ADCY7: variants seen among roughly 807,000 people sequenced by gnomAD.
ADCY7 encodes adenylate cyclase 7.
ADCY7 carries 72 observed loss-of-function variants against 120.6 expected under a neutral mutation model. The observed-to-expected ratio is 0.60, with a 90% CI of 0.49 to 0.73. The LOEUF (loss-of-function observed/expected upper bound fraction) is 0.73. Among genes scored for constraint, ADCY7 ranks in the 30% least tolerant of loss-of-function variants. ADCY7 has a pLI of 0.00. For synonymous variants in ADCY7, 661 were observed against 628.0 expected (o/e 1.05, Z -0.78); for missense variants, 1,227 against 1,486.0 (o/e 0.83, Z 2.87).
At chr16:50,306,318 C>CA (rs11352304) in intron 14 of ADCY7, among the ~76,000 whole-genome samples, 1 of 151,984 alleles carries the variant, frequency 6.6e-6, no homozygotes, top group South Asian at 2.1e-4. Flanking sequence ...TTAACCGTCA[C>CA]AACGGCCAGC....
At chr16:50,245,196 T>C (rs151066066), upstream of ADCY7, among the ~76,000 whole-genome samples, 61 of 152,280 alleles carry the variant, frequency 4.0e-4, no homozygotes, top group African/African-American at 1.3e-3. Context: ...GTCATAGATT[T>C]CCTCCGTGCT....
intron 1 of ADCY7, among the ~76,000 whole-genome samples, chr16:50,279,231 A>G (rs923656915): frequency 6.6e-6 from 1 of 151,964 alleles, no homozygotes; most frequent in African/African-American, 2.4e-5. Flanking sequence ...TGCTGGACCC[A>G]CTGTCAGGGT....
rs1002680991 is a variant in ADCY7 at position 50,300,871 on chromosome 16, C to T, written c.1233C>T (p.Pro411=). ...ACCGGATGGAGGCAGCCGGAGTACC[C>T]GGGTGAGGCTGGGCTGGGTAGCCGC... ...LANRMEAAGV[P]GRVHITEATL... is the part of the protein sequence containing the mutation. Residue 411 remains proline, a splice_region_variant and synonymous_variant, in exon 9 of 26, where the codon CCC becomes CCT. Coordinates refer to ENST00000673801, the MANE Select transcript of ADCY7 (RefSeq NM_001114.5). 1.8e-5 allele frequency: 28 copies of T among 1,555,614 alleles called. No homozygotes were observed. The highest frequency in any genetic ancestry group is 6.8e-5 in the African/African-American group (5 of 73,300).
At chr16:50,301,004 C>T (rs2035680955) in intron 9 of ADCY7, 78 bp from the exon 10 acceptor site, 1 of 1,564,792 alleles carries the variant, frequency 6.4e-7, no homozygotes, top group Non-Finnish European at 8.7e-7. Flanking sequence ...GGGGCCCAGG[C>T]CTGCCTGCTG....
intron 21 of ADCY7, 127 bp from the exon 22 acceptor site, chr16:50,312,763 C>G: frequency 6.7e-5 from 44 of 652,602 alleles, no homozygotes; most frequent in Middle Eastern, 5.9e-4. Context: ...ATGCAGCCCG[C>G]CCCCCTCCCC....
intron 24 of ADCY7, 160 bp downstream of exon 24, chr16:50,314,566 A>C: frequency 1.7e-6 from 1 of 604,218 alleles, no homozygotes; most frequent in South Asian, 2.0e-5. Context: ...GATGTTTTGC[A>C]TATAGTTAGC....
At chr16:50,307,358 C>T (rs1365926792) in intron 15 of ADCY7, among the ~76,000 whole-genome samples, 1 of 151,372 alleles carries the variant, frequency 6.6e-6, no homozygotes, top group African/African-American at 2.4e-5. Context: ...CTCCCTACTC[C>T]CTAACGTCTC....
rs1230480911 is a variant in ADCY7 at position 50,305,763 on chromosome 16, G to A, written c.1680-14G>A. The A allele has an allele frequency of 6.2e-7, 1 of 1,613,266 alleles. No individual in the cohort carries two copies. Among genetic ancestry groups the A allele is most frequent in the Non-Finnish European group, 8.5e-7 (1 of 1,179,524 alleles). ...TCCCAGCCCCCATCTCACCGCAGCT[G>A]CCCCCGCCCACAGGCCCTGCTGCTC... On this transcript the variant is annotated splice_polypyrimidine_tract_variant and intron_variant, in intron 13 of 25. Coordinates refer to ENST00000673801, the MANE Select transcript of ADCY7 (RefSeq NM_001114.5).
At chr16:50,277,825 C>T (rs2033996489) in intron 1 of ADCY7, among the ~76,000 whole-genome samples, 1 of 152,028 alleles carries the variant, frequency 6.6e-6, no homozygotes, top group Non-Finnish European at 1.5e-5. Context: ...CACCCGCCAC[C>T]ACGCCCAGCT....
rs2036788258 is a variant in ADCY7, at chr16:50,316,131, A to G, written c.*626A>G. 6.6e-6 allele frequency: 1 copy of G among 152,612 alleles called. No homozygotes were observed. Among genetic ancestry groups the G allele is most frequent in the Non-Finnish European group, 1.5e-5 (1 of 68,284 alleles). The allele number at this position is 152,612 out of a possible 1,614,324, so 9.5% of individuals were successfully genotyped here. On this transcript the variant is annotated 3_prime_UTR_variant, in exon 26 of 26. Coordinates refer to ENST00000673801, the MANE Select transcript of ADCY7 (RefSeq NM_001114.5). ...AAATGAATACATTAATGGGGTTTTT[A>G]TCCTTTTGAATGACTTTTCAGACAC...
intron 7 of ADCY7, among the ~76,000 whole-genome samples, chr16:50,296,221 T>C (rs2035339417): frequency 6.6e-6 from 1 of 151,994 alleles, no homozygotes; most frequent in African/African-American, 2.4e-5. Context: ...CCAGGCTAAT[T>C]TTTTTGTATT....
At position 50,298,914 on chromosome 16, in the gene ADCY7, G is replaced by A. The variant is rs1251722406; in HGVS notation, c.959G>A (p.Cys320Tyr). 2 of 1,613,814 alleles carry A rather than the reference G, an allele frequency of 1.2e-6. No homozygotes were observed. The highest frequency in any genetic ancestry group is 2.2e-5 in the South Asian group (2 of 91,070). ...TCCCTCACCCTGCAGGCCAACGAGT[G>A]CATGCGAATCAAGATCCTCGGCGAC... ...KFDQIAKANE[C>Y]MRIKILGDCY... is the part of the protein sequence containing the mutation. Residue 320 changes from cysteine (C) to tyrosine (Y), a missense_variant, in exon 8 of 26, where the codon TGC (cysteine) becomes TAC (tyrosine). This residue lies in a region of ADCY7 where 332 missense variants were observed against 455.8 expected (regional missense o/e 0.73). Coordinates refer to ENST00000673801, the MANE Select transcript of ADCY7 (RefSeq NM_001114.5).
intron 1 of ADCY7, among the ~76,000 whole-genome samples, chr16:50,255,408 A>AAAC (rs2032889694): frequency 6.8e-6 from 1 of 147,442 alleles, no homozygotes; most frequent in South Asian, 2.1e-4. Context: ...TCTGGAAAAA[A>AAAC]AAAAAAAAAA....
At chr16:50,276,482 A>G (rs1005350936) in intron 1 of ADCY7, among the ~76,000 whole-genome samples, 2 of 152,166 alleles carry the variant, frequency 1.3e-5, no homozygotes, top group African/African-American at 2.4e-5. Context: ...ATCACCCCCA[A>G]CTGAATCCTT....
chr16:50,261,612 C>A (rs536403848), upstream of ADCY7, among the ~76,000 whole-genome samples: 2 of 152,294 alleles, frequency 1.3e-5, no homozygotes, highest in African/African-American at 4.8e-5. Context: ...CCACCATGTG[C>A]CTTGTCGGCA....
chr16:50,314,108 A>T, intron 23 of ADCY7, 46 bp downstream of exon 23: 1 of 1,571,946 alleles, frequency 6.4e-7, no homozygotes, highest in Non-Finnish European at 8.7e-7. Context: ...TCCTCACTTA[A>T]AGGTGACCTG....
At chr16:50,267,759 G>A (rs1189579923) in intron 1 of ADCY7, among the ~76,000 whole-genome samples, 1 of 152,232 alleles carries the variant, frequency 6.6e-6, no homozygotes, top group African/African-American at 2.4e-5. Flanking sequence ...GTGACATCAT[G>A]ACTGTATTAT....
chr16:50,290,922 G>T (rs2034911236), intron 3 of ADCY7, among the ~76,000 whole-genome samples: 1 of 152,218 alleles, frequency 6.6e-6, no homozygotes, highest in South Asian at 2.1e-4. Context: ...AGGCAAAAAG[G>T]CACAAACTGG....
At chr16:50,244,862 G>A (rs1457770643), upstream of ADCY7, among the ~76,000 whole-genome samples, 1 of 152,226 alleles carries the variant, frequency 6.6e-6, no homozygotes, top group Non-Finnish European at 1.5e-5. Flanking sequence ...CACCATGCTT[G>A]ATGCCCGGGG....
Sources: gnomAD v4.1 joint callset for allele counts (sites outside exome capture counted in the v4.1 genomes callset) on GRCh38, gnomAD v4.1.1 for gene constraint, gnomAD v4.1.1 regional missense constraint, MANE v1.5 for transcripts, NCBI Gene and HGNC (gene_info 2026-07-23, HGNC 2026-07-21) for gene names.